Variants in FOXN3 observed in about 807,000 individuals in gnomAD.
FOXN3 encodes the protein forkhead box protein N3.
FOXN3 carries 7 observed loss-of-function variants against 38.4 expected under a neutral mutation model. That is an observed-to-expected ratio of 0.18 (90% CI 0.10 to 0.34). FOXN3 has a LOEUF of 0.34. FOXN3 is among the 10% of genes least tolerant of loss of function. FOXN3 has a pLI of 1.00. For missense variants in FOXN3, 456 were observed against 613.4 expected, an observed-to-expected ratio of 0.74 and a Z score of 2.71; for synonymous variants, 230 against 242.2, an observed-to-expected ratio of 0.95 and a Z score of 0.47.
intron 3 of FOXN3, among the ~76,000 whole-genome samples, chr14:89,288,414 G>A (rs1027303654): frequency 1.1e-4 from 16 of 152,120 alleles, no homozygotes; most frequent in African/African-American, 3.1e-4. Context: ...GGACCCATGA[G>A]AATCTGACAG....
intron 4 of FOXN3, among the ~76,000 whole-genome samples, chr14:89,250,767 T>C: frequency 6.6e-6 from 1 of 152,212 alleles, no homozygotes. Flanking sequence ...TGGGAGGTAA[T>C]TGAATCATGA....
At chr14:89,587,620 C>T (rs1895867696) in intron 1 of FOXN3, among the ~76,000 whole-genome samples, 1 of 152,148 alleles carries the variant, frequency 6.6e-6, no homozygotes, top group African/African-American at 2.4e-5. Context: ...GTAATCCAAG[C>T]ACTTTGGGAG....
At chr14:89,256,528 G>A (rs1885626202) in intron 4 of FOXN3, among the ~76,000 whole-genome samples, 1 of 152,170 alleles carries the variant, frequency 6.6e-6, no homozygotes, top group Non-Finnish European at 1.5e-5. Flanking sequence ...GCTCCCAGGA[G>A]GTTTGTGCAT....
chr14:89,464,125 G>A (rs141580784), intron 1 of FOXN3, among the ~76,000 whole-genome samples: 1 of 152,168 alleles, frequency 6.6e-6, no homozygotes, highest in Non-Finnish European at 1.5e-5. Context: ...CCAAGGTAGT[G>A]CAGACAGAGT....
chr14:89,282,801 A>G (rs2139920693), intron 3 of FOXN3, among the ~76,000 whole-genome samples: 1 of 152,336 alleles, frequency 6.6e-6, no homozygotes, highest in Non-Finnish European at 1.5e-5. Flanking sequence ...CTGAAAACTG[A>G]GTAGACATCA....
Position 89,195,473 on chromosome 14 carries a change from C to T in FOXN3, c.746-14667G>A, listed in dbSNP as rs202126116. Among the ~76,000 whole-genome samples the T allele has an allele frequency of 4.6e-5, 7 of 152,294 alleles. No homozygotes were observed. The East Asian group carries it at 9.6e-4, about 21-fold the overall frequency. On this transcript the variant is annotated intron_variant, in intron 4 of 5. Coordinates refer to ENST00000557258, the MANE Select transcript of FOXN3 (RefSeq NM_005197.4). The stretch of plus-strand genomic sequence containing the variant: ...GGCACGCTATTGTGGTAGGATGCTT[C>T]GGACCAAAGACATTGGAGATTTGTG...
At chr14:89,230,466 T>A (rs1884773364) in intron 4 of FOXN3, among the ~76,000 whole-genome samples, 1 of 152,260 alleles carries the variant, frequency 6.6e-6, no homozygotes, top group Non-Finnish European at 1.5e-5. Context: ...TCTGTGGGGA[T>A]CATTTTCTCC....
At chr14:89,167,499 T>C (rs569533536) in intron 5 of FOXN3, among the ~76,000 whole-genome samples, 9 of 152,260 alleles carry the variant, frequency 5.9e-5, no homozygotes, top group African/African-American at 1.9e-4. Context: ...GAAAAGTAGA[T>C]GGGATTAATG....
rs562104668 is a variant in FOXN3, at chr14:89,365,354, C to T, written c.544-14546G>A. Among the ~76,000 whole-genome samples the T allele has an allele frequency of 2.8e-4, 43 of 152,296 alleles. No homozygotes were observed. The East Asian group carries it at 7.7e-3, about 27-fold the overall frequency. Reference sequence around the variant, plus strand: ...TGCCAAAAGCAGTCAAGAGCTAGCACGCTAACAACGATCAATCATAAAATG... The same window carrying T: ...TGCCAAAAGCAGTCAAGAGCTAGCATGCTAACAACGATCAATCATAAAATG... On this transcript the variant is annotated intron_variant, in intron 2 of 5. Coordinates refer to ENST00000557258, the MANE Select transcript of FOXN3 (RefSeq NM_005197.4).
intron 1 of FOXN3, among the ~76,000 whole-genome samples, chr14:89,415,348 A>G (rs1596261882): frequency 6.6e-6 from 1 of 152,194 alleles, no homozygotes; most frequent in African/African-American, 2.4e-5. Flanking sequence ...AGAGGAACTA[A>G]CACGCTATTC....
intron 1 of FOXN3, among the ~76,000 whole-genome samples, chr14:89,518,595 C>T (rs955133278): frequency 6.6e-6 from 1 of 152,216 alleles, no homozygotes; most frequent in Non-Finnish European, 1.5e-5. Flanking sequence ...GTCTCTATTA[C>T]TTGCAATGAA....
intron 1 of FOXN3, among the ~76,000 whole-genome samples, chr14:89,448,502 C>G (rs1892555031): frequency 6.6e-6 from 1 of 152,182 alleles, no homozygotes; most frequent in East Asian, 1.9e-4. Context: ...TGATCACCAG[C>G]TTGATCCTCC....
At chr14:89,176,885 T>G (rs1338656540) in intron 5 of FOXN3, among the ~76,000 whole-genome samples, 1 of 152,178 alleles carries the variant, frequency 6.6e-6, no homozygotes, top group East Asian at 1.9e-4. Context: ...TTCCAGAGCT[T>G]ACTACCCCTC....
chr14:89,338,684 C>T (rs1888532840), intron 3 of FOXN3, among the ~76,000 whole-genome samples: 1 of 152,066 alleles, frequency 6.6e-6, no homozygotes, highest in Non-Finnish European at 1.5e-5. Flanking sequence ...ATCCCAGCTA[C>T]TCGGAGGCTG....
intron 1 of FOXN3, among the ~76,000 whole-genome samples, chr14:89,568,343 ACT>A (rs1190194478): frequency 6.6e-6 from 1 of 151,988 alleles, no homozygotes; most frequent in Non-Finnish European, 1.5e-5. Context: ...TGACCATGCC[ACT>A]CTCATGCTTG....
intron 4 of FOXN3, among the ~76,000 whole-genome samples, chr14:89,191,063 A>G (rs1358205280): frequency 1.3e-5 from 2 of 152,170 alleles, no homozygotes; most frequent in Non-Finnish European, 2.9e-5. Context: ...CACTTCTATT[A>G]TTGCTTTTAA....
intron 2 of FOXN3, among the ~76,000 whole-genome samples, chr14:89,380,708 T>C (rs116652126): frequency 0.016 from 2,373 of 152,290 alleles, 75 homozygotes; most frequent in African/African-American, 0.055. Context: ...GCGGAGGCAA[T>C]GACACTGTCA....
chr14:89,230,105 T>G (rs1338624851), intron 4 of FOXN3, among the ~76,000 whole-genome samples: 1 of 152,224 alleles, frequency 6.6e-6, no homozygotes, highest in African/African-American at 2.4e-5. Context: ...TCTTCCAATA[T>G]GGTATCTCCA....
rs1364548564 is a variant in FOXN3, at chr14:89,156,473, A to G, written c.*5941T>C. 1 of 152,554 alleles carries G rather than the reference A, an allele frequency of 6.6e-6. No individual in the cohort carries two copies. Among genetic ancestry groups the G allele is most frequent in the East Asian group, 1.9e-4 (1 of 5,196 alleles). The allele number at this position is 152,554 out of a possible 1,614,324, so 9.5% of individuals were successfully genotyped here. A position where few individuals can be genotyped will look rare whatever the true frequency, so the allele number is the denominator to read the frequency against. On this transcript the variant is annotated 3_prime_UTR_variant, in exon 6 of 6. Transcript: ENST00000557258. ...CCTTTATGGTTCTCCCTTTCTATTC[A>G]TGATATTGGCAGTTTCATACAGAAA...
Sources: allele counts gnomAD v4.1 joint callset (sites outside exome capture counted in the v4.1 genomes callset), GRCh38; gene constraint gnomAD v4.1.1; transcripts MANE v1.5; gene names NCBI Gene and HGNC (gene_info 2026-07-23, HGNC 2026-07-21).